ETFDH: variants seen among roughly 807,000 people sequenced by gnomAD.
ETFDH encodes the protein electron transfer flavoprotein dehydrogenase.
Under a neutral mutation model 73.2 loss-of-function variants are expected in ETFDH, and 61 were observed. The ratio of observed to expected loss-of-function variants is 0.83; its 90% CI spans 0.68 to 1.03. The LOEUF (loss-of-function observed/expected upper bound fraction) is 1.03, where lower values mean the gene tolerates loss of function less well. ETFDH is among the 50% of genes least tolerant of loss of function. The probability of loss-of-function intolerance (pLI) is 0.00; values close to 1 mark genes in which losing one functional copy is unlikely to be tolerated. For synonymous variants in ETFDH, 243 were observed against 253.3 expected (o/e 0.96, Z 0.39); for missense variants, 685 against 745.0 (o/e 0.92, Z 0.94).
chr4:158,684,444 G>A lies in ETFDH; in HGVS notation c.406-148G>A, dbSNP rs114469364. 4.6e-3 allele frequency: 2,664 copies of A among 573,492 alleles called. 41 individuals are homozygous for A. The highest frequency in any genetic ancestry group is 0.038 in the African/African-American group (2,002 of 52,432). 35.5% of individuals were successfully genotyped at this position (573,492 alleles called of 1,614,324 possible). A position where few individuals can be genotyped will look rare whatever the true frequency, so the allele number is the denominator to read the frequency against. On this transcript the variant is annotated intron_variant, in intron 3 of 12. Coordinates refer to ENST00000511912, the MANE Select transcript of ETFDH (RefSeq NM_004453.4). ...ATCTCAGACAGAGAAAGGATTCACAGTGACAAGTTTTATAAAGGAAATGCC... is the reference window on the plus strand; with the variant it reads ...ATCTCAGACAGAGAAAGGATTCACAATGACAAGTTTTATAAAGGAAATGCC...
chr4:158,675,519 C>T (rs564428115), intron 1 of ETFDH, among the ~76,000 whole-genome samples: 31 of 152,226 alleles, frequency 2.0e-4, no homozygotes, highest in Admixed American at 9.8e-4. Flanking sequence ...GGAATCCCAG[C>T]GTTTTGGGAG....
intron 1 of ETFDH, among the ~76,000 whole-genome samples, chr4:158,678,746 C>T (rs1201485827): frequency 6.6e-6 from 1 of 151,020 alleles, no homozygotes; most frequent in Non-Finnish European, 1.5e-5. Context: ...TTACTGGGCT[C>T]TAGTGATCAT....
At chr4:158,672,804 G>A (rs1410923626) in intron 1 of ETFDH, among the ~76,000 whole-genome samples, 2 of 151,876 alleles carry the variant, frequency 1.3e-5, no homozygotes, top group South Asian at 2.1e-4. Context: ...CCCAAATCCT[G>A]GTTCTAATCT....
rs1422384446 is a variant in ETFDH, at chr4:158,684,704, G to A, written c.487+31G>A. 8 of 1,143,722 alleles carry A rather than the reference G, an allele frequency of 7.0e-6. No individual in the cohort carries two copies. The African/African-American group carries it at 1.1e-4, about 15-fold the overall frequency. 70.8% of individuals were successfully genotyped at this position (1,143,722 alleles called of 1,614,324 possible). On this transcript the variant is annotated intron_variant, in intron 4 of 12. Transcript: ENST00000511912. Reference sequence around the variant, plus strand: ...GTATAGTGAATATGCATAGAACTATGGAATTCCACAGCTGGAAGGAACTAC... The same window carrying A: ...GTATAGTGAATATGCATAGAACTATAGAATTCCACAGCTGGAAGGAACTAC...
intron 2 of ETFDH, 64 bp from the exon 3 acceptor site, chr4:158,682,127 TTAAC>T: frequency 3.1e-6 from 5 of 1,606,728 alleles, no homozygotes; most frequent in Non-Finnish European, 4.3e-6. Flanking sequence ...TGGATATTTT[TTAAC>T]TGTCATGTGA....
chr4:158,699,016 G>C lies in ETFDH; in HGVS notation c.1002G>C (p.Leu334=), dbSNP rs1476673975. Residue 334 remains leucine (L), a synonymous_variant, in exon 9 of 13, where the codon CTG becomes CTC. Transcript: ENST00000511912. ...VVGLDYQNPY[L]SPFREFQRWK... ...GTCTAGACTATCAGAATCCATACCT[G>C]AGTCCATTTAGAGAGTTCCAAAGGT... The C allele has an allele frequency of 1.9e-6, 3 of 1,610,498 alleles. No homozygotes were observed. Among genetic ancestry groups the C allele is most frequent in the Non-Finnish European group, 2.5e-6 (3 of 1,176,700 alleles).
chr4:158,703,762 T>C (rs563028279), intron 10 of ETFDH, among the ~76,000 whole-genome samples, 171 bp downstream of exon 10: 9 of 152,366 alleles, frequency 5.9e-5, no homozygotes, highest in Admixed American at 3.9e-4. Context: ...AGTGATTTTT[T>C]ACTGTAATGT....
chr4:158,687,448 T>A (rs1774034860), intron 5 of ETFDH, among the ~76,000 whole-genome samples: 1 of 152,126 alleles, frequency 6.6e-6, no homozygotes, highest in Non-Finnish European at 1.5e-5. Context: ...CTTTTTAGGG[T>A]ATTATCTTAA....
intron 9 of ETFDH, among the ~76,000 whole-genome samples, chr4:158,702,155 G>GTT (rs10586342): frequency 1.4e-5 from 2 of 145,600 alleles, no homozygotes; most frequent in African/African-American, 2.5e-5. Flanking sequence ...CAAATCACAG[G>GTT]TTTTTTTTTT....
chr4:158,689,611 TA>T (rs1561242331), intron 5 of ETFDH, among the ~76,000 whole-genome samples: 14 of 95,966 alleles, frequency 1.5e-4, no homozygotes, highest in East Asian at 1.2e-3. Context: ...TATATATATA[TA>T]TATATATATA....
At chr4:158,684,512 C>T in intron 3 of ETFDH, 80 bp from the exon 4 acceptor site, 1 of 807,830 alleles carries the variant, frequency 1.2e-6, no homozygotes, top group African/African-American at 1.8e-5. Flanking sequence ...CATCAGAGTA[C>T]ATTTTATAGT....
chr4:158,697,518 A>T, intron 7 of ETFDH, 41 bp from the exon 8 acceptor site: 1 of 1,578,644 alleles, frequency 6.3e-7, no homozygotes, highest in Non-Finnish European at 8.6e-7. Flanking sequence ...AACATTTTTA[A>T]AATACTGCAG....
rs55861035 is a variant in ETFDH at position 158,709,019 on chromosome 4, T to TTGTGTGTGTGTGTGTGTG, written c.*514_*531dup. 577 of 150,648 alleles carry TTGTGTGTGTGTGTGTGTG rather than the reference T, an allele frequency of 3.8e-3. 3 individuals are homozygous for TTGTGTGTGTGTGTGTGTG. Among genetic ancestry groups the TTGTGTGTGTGTGTGTGTG allele is most frequent in the Non-Finnish European group, 5.3e-3 (370 of 70,140 alleles). 9.3% of individuals were successfully genotyped at this position (150,648 alleles called of 1,614,324 possible). On this transcript the variant is annotated 3_prime_UTR_variant, in exon 13 of 13. Transcript: ENST00000511912. ...GAAGTATGCCCATCCCTGAACAAGTTTGTGTGTGTGTGTGTGTGTGTGTGT... is the reference window on the plus strand; with the variant it reads ...GAAGTATGCCCATCCCTGAACAAGTTTGTGTGTGTGTGTGTGTGTGTGTGTGTGTGTGTGTGTGTGTGT...
At chr4:158,676,979 A>G (rs1773725344) in intron 1 of ETFDH, among the ~76,000 whole-genome samples, 1 of 152,202 alleles carries the variant, frequency 6.6e-6, no homozygotes, top group Admixed American at 6.5e-5. Flanking sequence ...TATGATTTGA[A>G]AATATTTTCT....
chr4:158,688,906 T>C (rs1195081529), intron 5 of ETFDH, among the ~76,000 whole-genome samples: 1 of 152,188 alleles, frequency 6.6e-6, no homozygotes, highest in Non-Finnish European at 1.5e-5. Context: ...TGTTGTTGGT[T>C]TTTTTGTTTG....
chr4:158,706,881 G>A (rs1393727221), intron 12 of ETFDH, 31 bp downstream of exon 12: 3 of 1,383,888 alleles, frequency 2.2e-6, no homozygotes, highest in Non-Finnish European at 2.1e-6. Flanking sequence ...CTAAATATTT[G>A]CTTTAAACAT....
chr4:158,677,853 G>A (rs534887424), intron 1 of ETFDH, among the ~76,000 whole-genome samples: 2 of 152,284 alleles, frequency 1.3e-5, no homozygotes, highest in East Asian at 3.9e-4. Context: ...CCCTGGCCAA[G>A]AAGAGAGTCC....
At chr4:158,684,737 C>G (rs1773958648) in intron 4 of ETFDH, 64 bp downstream of exon 4, 5 of 954,746 alleles carry the variant, frequency 5.2e-6, no homozygotes, top group Non-Finnish European at 8.6e-6. Context: ...TACATTTCAT[C>G]TGACGAAATT....
chr4:158,683,693 C>T (rs1400947545), intron 3 of ETFDH, among the ~76,000 whole-genome samples: 1 of 152,080 alleles, frequency 6.6e-6, no homozygotes, highest in Non-Finnish European at 1.5e-5. Context: ...AATCCTCCCA[C>T]CTCAGCCCCC....
Sources: allele counts gnomAD v4.1 joint callset (sites outside exome capture counted in the v4.1 genomes callset), GRCh38; gene constraint gnomAD v4.1.1; transcripts MANE v1.5; gene names NCBI Gene and HGNC (gene_info 2026-07-23, HGNC 2026-07-21).